Variants in ZAR1L observed in about 807,000 individuals in gnomAD.
ZAR1L encodes protein ZAR1-like.
Under a neutral mutation model 30.0 loss-of-function variants are expected in ZAR1L, and 16 were observed. That is an observed-to-expected ratio of 0.53 (90% CI 0.36 to 0.81). The LOEUF (loss-of-function observed/expected upper bound fraction) is 0.81. ZAR1L is among the 30% of genes least tolerant of loss of function. The pLI, the probability that ZAR1L is intolerant of heterozygous loss-of-function variation, is 0.00. For synonymous variants in ZAR1L, 197 were observed against 166.8 expected, an observed-to-expected ratio of 1.18 and a Z score of -1.40; for missense variants, 392 against 417.2, an observed-to-expected ratio of 0.94 and a Z score of 0.53.
intron 2 of ZAR1L, 87 bp from the exon 3 acceptor site, chr13:32,312,180 C>A: frequency 2.2e-6 from 1 of 445,462 alleles, no homozygotes; most frequent in Non-Finnish European, 4.0e-6. Flanking sequence ...CTTCACTGTT[C>A]GGGAATCTTT....
Position 32,311,650 on chromosome 13 carries a change from G to A in ZAR1L, c.276C>T (p.Gly92=), listed in dbSNP as rs1442615864. ...TGTCCACCCGCGGGCTCACCTGCAC[G>A]CCCACCTCCTTGGTGTTGGGCTTGC... ...RLCKPNTKEV[G]VQVSPRVDKA... The change falls in exon 3 of 6, where the codon GGC becomes GGT. Residue 92 remains glycine, a synonymous_variant. Transcript: ENST00000533490. The A allele has an allele frequency of 6.4e-6, 10 of 1,551,342 alleles. No individual in the cohort carries two copies. In the East Asian group the frequency reaches 9.8e-5, roughly 15 times the overall value.
intron 5 of ZAR1L, among the ~76,000 whole-genome samples, chr13:32,305,327 C>T (rs976893979): frequency 8.6e-5 from 13 of 151,922 alleles, no homozygotes; most frequent in African/African-American, 2.2e-4. Flanking sequence ...CCCGGGTTCA[C>T]GCCATTCTCC....
chr13:32,312,035 G>A lies in ZAR1L; in HGVS notation c.-110C>T, dbSNP rs998407613. 3 of 1,246,204 alleles carry A rather than the reference G, an allele frequency of 2.4e-6. No individual in the cohort carries two copies. Among genetic ancestry groups the A allele is most frequent in the Admixed American group, 5.7e-5 (2 of 34,906 alleles). The allele number at this position is 1,246,204 out of a possible 1,614,324, so 77.2% of individuals were successfully genotyped here. On this transcript the variant is annotated 5_prime_UTR_variant, in exon 3 of 6. Coordinates refer to ENST00000533490, the MANE Select transcript of ZAR1L (RefSeq NM_001136571.2). ...TCTTTCTCTTCATCAGGTTGGTTCAGATTCATTCCTGGCTTCTCCATTTAT... is the reference window on the plus strand; with the variant it reads ...TCTTTCTCTTCATCAGGTTGGTTCAAATTCATTCCTGGCTTCTCCATTTAT...
Position 32,311,717 on chromosome 13 carries a change from G to T in ZAR1L, c.209C>A (p.Ala70Asp). The T allele has an allele frequency of 6.4e-7, 1 of 1,551,720 alleles. No individual in the cohort carries two copies. The highest frequency in any genetic ancestry group is 8.7e-7 in the Non-Finnish European group (1 of 1,147,002). ...GCTGGGGTTCATCTGGGAGAGAATG[G>T]CCTTAAGCTGCGCCCTCTTGTAAGG... ...IDPYKRAQLK[A>D]ILSQMNPSLS... is the part of the protein sequence containing the mutation. Residue 70 changes from alanine to aspartate, a missense_variant, in exon 3 of 6, where the codon GCC becomes GAC. Ala to Asp is a moderately radical substitution (Grantham distance 126, BLOSUM62 -2). Transcript: ENST00000533490.
chr13:32,310,545 T>G, intron 4 of ZAR1L, 94 bp downstream of exon 4: 1 of 864,864 alleles, frequency 1.2e-6, no homozygotes, highest in Non-Finnish European at 1.9e-6. Context: ...AAGACAGGAC[T>G]ATGACAGCCA....
rs1179598213 is a variant in ZAR1L at position 32,311,426 on chromosome 13, T to C, written c.500A>G (p.Gln167Arg). Reference protein sequence around the residue: ...LPGPAEASQPQPPSRRSGADR... With the variant: ...LPGPAEASQPRPPSRRSGADR... The stretch of plus-strand genomic sequence containing the variant: ...AGCTCCTGACCTCCGTGATGGTGGC[T>C]GCGGCTGGCTGGCCTCCGCAGGGCC... Residue 167 changes from glutamine to arginine, a missense_variant, in exon 3 of 6, where the codon CAG (glutamine) becomes CGG (arginine). Gln to Arg is a conservative substitution (Grantham distance 43). Transcript: ENST00000533490. 1.9e-6 allele frequency: 3 copies of C among 1,549,170 alleles called. No homozygotes were observed. Among genetic ancestry groups the C allele is most frequent in the Non-Finnish European group, 2.6e-6 (3 of 1,146,906 alleles).
At position 32,310,673 on chromosome 13, in the gene ZAR1L, C is replaced by A. The variant is rs2072206067; in HGVS notation, c.713G>T (p.Ser238Ile). Residue 238 changes from serine (S) to isoleucine (I), a missense_variant, in exon 4 of 6, where the codon AGT (serine) becomes ATT (isoleucine). By Grantham distance (142) the Ser-to-Ile change is moderately radical. Coordinates refer to ENST00000533490, the MANE Select transcript of ZAR1L (RefSeq NM_001136571.2). Reference sequence around the variant, plus strand: ...TCCAGAAATGCACCACACGTAAGCACTCTCCCACCTGGTCTTACAATCTTT... The same window carrying A: ...TCCAGAAATGCACCACACGTAAGCAATCTCCCACCTGGTCTTACAATCTTT... ...HCKDCKTRWE[S>I]AYVWCISGTN... The A allele has an allele frequency of 6.4e-7, 1 of 1,551,734 alleles. No individual in the cohort carries two copies. The highest frequency in any genetic ancestry group is 8.7e-7 in the Non-Finnish European group (1 of 1,146,976).
chr13:32,313,996 G>C (rs1270237922), intron 2 of ZAR1L, among the ~76,000 whole-genome samples: 3 of 152,202 alleles, frequency 2.0e-5, no homozygotes, highest in African/African-American at 7.2e-5. Flanking sequence ...AGTGTATGAA[G>C]TCAAATGGAC....
intron 5 of ZAR1L, among the ~76,000 whole-genome samples, chr13:32,307,498 C>CAAAAAAAAAAAAAAAAAAAAAAAAAA: frequency 6.5e-5 from 1 of 15,356 alleles, no homozygotes; most frequent in Non-Finnish European, 1.1e-4. Context: ...GAGTCTGTCT[C>CAAAAAAAAAAAAAAAAAAAAAAAAAA]AAAAAAAAAA....
At chr13:32,309,675 G>A (rs569548474) in intron 4 of ZAR1L, among the ~76,000 whole-genome samples, 2 of 152,284 alleles carry the variant, frequency 1.3e-5, no homozygotes, top group East Asian at 1.9e-4. Context: ...GCTACTGCAC[G>A]TATTGCCAAA....
At chr13:32,304,245 T>G (rs1205948966) in intron 5 of ZAR1L, among the ~76,000 whole-genome samples, 1 of 152,256 alleles carries the variant, frequency 6.6e-6, no homozygotes, top group Non-Finnish European at 1.5e-5. Flanking sequence ...AAGAGAATAC[T>G]GCAGAGCCAA....
intron 3 of ZAR1L, 55 bp from the exon 4 acceptor site, chr13:32,310,786 T>A: frequency 8.5e-7 from 1 of 1,170,146 alleles, no homozygotes; most frequent in South Asian, 1.3e-5. Flanking sequence ...AAAAGCCAGA[T>A]CCTTCTTTAT....
chr13:32,307,582 T>G (rs1453326708), intron 5 of ZAR1L, among the ~76,000 whole-genome samples: 1 of 145,878 alleles, frequency 6.9e-6, no homozygotes, highest in African/African-American at 2.6e-5. Context: ...ATTTCTATGG[T>G]AACCATCAAA....
chr13:32,308,728 T>C lies in ZAR1L; in HGVS notation c.780A>G (p.Gln260=), dbSNP rs752484374. Reference sequence around the variant, plus strand: ...CTACTCGATAAGGGTTAAAACTCTTTTGGCATTTACAACAGAGTTGTTTGA... The same window carrying C: ...CTACTCGATAAGGGTTAAAACTCTTCTGGCATTTACAACAGAGTTGTTTGA... ...VYFKQLCCKC[Q]KSFNPYRVEA... The change falls in exon 5 of 6, where the codon CAA becomes CAG. Residue 260 remains glutamine (Q), a synonymous_variant. Coordinates refer to ENST00000533490, the MANE Select transcript of ZAR1L (RefSeq NM_001136571.2). 3.7e-5 allele frequency: 57 copies of C among 1,551,212 alleles called. No individual in the cohort carries two copies. The highest frequency in any genetic ancestry group is 4.9e-5 in the Non-Finnish European group (56 of 1,146,832).
chr13:32,307,872 A>T (rs1451461648), intron 5 of ZAR1L, among the ~76,000 whole-genome samples: 2 of 152,062 alleles, frequency 1.3e-5, no homozygotes, highest in African/African-American at 4.8e-5. Flanking sequence ...GTGCCATCTC[A>T]GCTCACTGCA....
chr13:32,307,065 A>G (rs1203535849), intron 5 of ZAR1L, among the ~76,000 whole-genome samples: 1 of 152,126 alleles, frequency 6.6e-6, no homozygotes, highest in African/African-American at 2.4e-5. Flanking sequence ...AGAATAACAG[A>G]AAGAATGTAT....
At position 32,311,450 on chromosome 13, in the gene ZAR1L, C is replaced by T. The variant is rs1405327770; in HGVS notation, c.476G>A (p.Gly159Asp). Residue 159 changes from glycine to aspartate, a missense_variant, in exon 3 of 6, where the codon GGC becomes GAC. Physicochemically the swap from Gly to Asp is moderately conservative, Grantham distance 94 (BLOSUM62 -1). Coordinates refer to ENST00000533490, the MANE Select transcript of ZAR1L (RefSeq NM_001136571.2). ...GDEAESKALP[G>D]PAEASQPQPP... ...CTGCGGCTGGCTGGCCTCCGCAGGG[C>T]CCGGGAGCGCCTTGCTCTCCGCTTC... 6 of 1,547,448 alleles carry T rather than the reference C, an allele frequency of 3.9e-6. No individual in the cohort carries two copies. Among genetic ancestry groups the T allele is most frequent in the Non-Finnish European group, 5.2e-6 (6 of 1,146,854 alleles).
At chr13:32,304,345 G>A (rs1047315285) in intron 5 of ZAR1L, among the ~76,000 whole-genome samples, 5 of 152,180 alleles carry the variant, frequency 3.3e-5, no homozygotes, top group South Asian at 2.1e-4. Flanking sequence ...ACCAGTCAAG[G>A]CAACATAATG....
At chr13:32,313,646 C>T (rs996467967) in intron 2 of ZAR1L, among the ~76,000 whole-genome samples, 1 of 152,118 alleles carries the variant, frequency 6.6e-6, no homozygotes, top group Admixed American at 6.5e-5. Context: ...TGATTACAGG[C>T]GTGAGCCACC....
Sources: gnomAD v4.1 joint callset for allele counts (sites outside exome capture counted in the v4.1 genomes callset) on GRCh38, gnomAD v4.1.1 for gene constraint, MANE v1.5 for transcripts, NCBI Gene and HGNC (gene_info 2026-07-23, HGNC 2026-07-21) for gene names.